Variants in XKR9 observed in about 807,000 individuals in gnomAD.
The protein encoded by XKR9 is XK related 9, also known as XK-related protein 9.
In XKR9, 32 loss-of-function variants were observed where a neutral mutation model predicts 32.0. The observed-to-expected ratio is 1.00, with a 90% CI of 0.76 to 1.34. The LOEUF (loss-of-function observed/expected upper bound fraction) is 1.34, where lower values mean the gene tolerates loss of function less well. XKR9 is among the 40% of genes most tolerant of loss of function. The pLI is 0.00. For synonymous variants in XKR9, 168 were observed against 143.4 expected (o/e 1.17, Z -1.22); for missense variants, 546 against 429.7 (o/e 1.27, Z -2.39).
the XKR9 span, among the ~76,000 whole-genome samples, chr8:70,908,570 G>C: frequency 3.3e-5 from 5 of 152,174 alleles, no homozygotes; most frequent in Non-Finnish European, 5.9e-5. Flanking sequence ...TAAGGAATTG[G>C]ATAGTAAATA....
At chr8:70,794,309 T>C (rs539936847), downstream of XKR9, among the ~76,000 whole-genome samples, 2 of 152,194 alleles carry the variant, frequency 1.3e-5, no homozygotes, top group African/African-American at 4.8e-5. Context: ...AGAGATAGTT[T>C]TATTCCTTCC....
At chr8:70,761,115 G>A (rs1807303204) in intron 2 of XKR9, among the ~76,000 whole-genome samples, 1 of 152,192 alleles carries the variant, frequency 6.6e-6, no homozygotes, top group South Asian at 2.1e-4. Flanking sequence ...GTCGACCATT[G>A]ATGGGCATTT....
chr8:70,977,193 C>A, the XKR9 span, among the ~76,000 whole-genome samples: 1 of 152,050 alleles, frequency 6.6e-6, no homozygotes, highest in Non-Finnish European at 1.5e-5. Flanking sequence ...AAAACCAGAT[C>A]CTAGATTCAT....
At chr8:71,014,737 T>C in the XKR9 span, among the ~76,000 whole-genome samples, 1 of 152,214 alleles carries the variant, frequency 6.6e-6, no homozygotes, top group East Asian at 1.9e-4. Context: ...ATTCTCTACA[T>C]AGGCTTCTTT....
chr8:70,707,275 G>T, intron 4 of XKR9, 122 bp downstream of exon 4: 1 of 693,796 alleles, frequency 1.4e-6, no homozygotes, highest in South Asian at 2.4e-5. Flanking sequence ...CTTTTGAAAA[G>T]GAAGTACAGT....
chr8:70,842,091 AT>A, the XKR9 span, among the ~76,000 whole-genome samples: 46 of 152,294 alleles, frequency 3.0e-4, no homozygotes, highest in African/African-American at 1.1e-3. Flanking sequence ...ATTAGTTAAT[AT>A]TATAGTGTAA....
At chr8:70,877,048 T>C in the XKR9 span, among the ~76,000 whole-genome samples, 3 of 152,284 alleles carry the variant, frequency 2.0e-5, no homozygotes, top group East Asian at 1.9e-4. Flanking sequence ...AGAGGTTTAA[T>C]TGACTCAGTT....
In XKR9 at chr8:70,781,030, G is replaced by A. The variant is rs1030223825; in HGVS notation, n.353-8309G>A. ...AGTGATTCTCTTCCTCACTATCCTCGGACCAACGATTCTCTTCCTTTCTTT... is the reference window on the plus strand; with the variant it reads ...AGTGATTCTCTTCCTCACTATCCTCAGACCAACGATTCTCTTCCTTTCTTT... On this transcript the variant is annotated intron_variant and non_coding_transcript_variant, in intron 2 of 3. Transcript: ENST00000520273. 1.2e-4 allele frequency: 18 copies of A among 151,428 alleles called. No individual in the cohort carries two copies. In the East Asian group the frequency reaches 2.5e-3, roughly 21 times the overall value. 9.4% of individuals were successfully genotyped at this position (151,428 alleles called of 1,614,324 possible). A position where few individuals can be genotyped will look rare whatever the true frequency, so the allele number is the denominator to read the frequency against.
the XKR9 span, among the ~76,000 whole-genome samples, chr8:71,012,125 A>C: frequency 1.3e-5 from 2 of 152,212 alleles, no homozygotes; most frequent in African/African-American, 4.8e-5. Flanking sequence ...TGGGGACAGC[A>C]GGGGCTTCAG....
downstream of XKR9, among the ~76,000 whole-genome samples, chr8:70,740,571 C>G (rs1182864292): frequency 5.7e-5 from 7 of 122,570 alleles, no homozygotes; most frequent in Admixed American, 5.3e-4. Flanking sequence ...TTTTTCTGCT[C>G]TGTTTTTTTC....
chr8:70,777,312 T>C (rs1807539617), intron 2 of XKR9, among the ~76,000 whole-genome samples: 1 of 152,164 alleles, frequency 6.6e-6, no homozygotes, highest in Non-Finnish European at 1.5e-5. Flanking sequence ...CTGCGTAGTA[T>C]TCCATGGTGT....
chr8:70,901,291 C>A, the XKR9 span, among the ~76,000 whole-genome samples: 1 of 152,164 alleles, frequency 6.6e-6, no homozygotes, highest in Non-Finnish European at 1.5e-5. Context: ...TTAAAGTGTT[C>A]CTATTTCTCC....
chr8:70,949,893 T>C, the XKR9 span, among the ~76,000 whole-genome samples: 1 of 152,180 alleles, frequency 6.6e-6, no homozygotes, highest in South Asian at 2.1e-4. Flanking sequence ...CTTATAGCAA[T>C]GCTATAAAGA....
the XKR9 span, among the ~76,000 whole-genome samples, chr8:71,051,048 TAA>T: frequency 1.4e-5 from 2 of 147,252 alleles, no homozygotes; most frequent in Admixed American, 6.8e-5. Context: ...CAGTGGGGAA[TAA>T]AAAAAAAAAC....
chr8:70,680,424 G>T (rs1480499028), intron 2 of XKR9, among the ~76,000 whole-genome samples: 1 of 151,930 alleles, frequency 6.6e-6, no homozygotes, highest in East Asian at 1.9e-4. Context: ...TACAACTATT[G>T]CACCTTTGTT....
At chr8:71,000,485 ACTTTT>A in the XKR9 span, among the ~76,000 whole-genome samples, 2 of 152,164 alleles carry the variant, frequency 1.3e-5, no homozygotes, top group Admixed American at 1.3e-4. Flanking sequence ...TTGAACAATA[ACTTTT>A]CTTTTATTTA....
rs57039682 is a variant in XKR9 at position 70,687,312 on chromosome 8, C to CTCTTTCTTTCTTTCTTTCTT, written c.272+6010_272+6029dup. 6.6e-3 allele frequency among the ~76,000 whole-genome samples: 918 copies of CTCTTTCTTTCTTTCTTTCTT among 138,352 alleles called. 10 individuals are homozygous for CTCTTTCTTTCTTTCTTTCTT. The highest frequency in any genetic ancestry group is 0.012 in the South Asian group (49 of 4,062). 90.8% of individuals were successfully genotyped at this position (138,352 alleles called of 152,430 possible). A position where few individuals can be genotyped will look rare whatever the true frequency, so the allele number is the denominator to read the frequency against. On this transcript the variant is annotated intron_variant, in intron 3 of 4. Coordinates refer to ENST00000408926, the MANE Select transcript of XKR9 (RefSeq NM_001011720.2). ...ATGACAGGATTTCTTTCTCTCCTCC[C>CTCTTTCTTTCTTTCTTTCTT]TCTTTCTTTCTTTCTTTCTTTCTTT... is the stretch of plus-strand genomic sequence containing the variant.
chr8:70,705,831 A>G (rs912387158), intron 3 of XKR9, among the ~76,000 whole-genome samples: 1 of 152,084 alleles, frequency 6.6e-6, no homozygotes, highest in African/African-American at 2.4e-5. Context: ...AGAGAGACCA[A>G]TTATGAGGTT....
the XKR9 span, among the ~76,000 whole-genome samples, chr8:71,042,718 C>G: frequency 6.6e-6 from 1 of 152,020 alleles, no homozygotes; most frequent in Admixed American, 6.6e-5. Context: ...TTAACACATT[C>G]ACCTTTATGT....
Sources: gnomAD v4.1 joint callset for allele counts (sites outside exome capture counted in the v4.1 genomes callset) on GRCh38, gnomAD v4.1.1 for gene constraint, MANE v1.5 for transcripts, NCBI Gene and HGNC (gene_info 2026-07-23, HGNC 2026-07-21) for gene names.